CSMD3: variants seen among roughly 807,000 people sequenced by gnomAD.
CSMD3 encodes CUB and sushi domain-containing protein 3.
Under a neutral mutation model 435.2 loss-of-function variants are expected in CSMD3, and 177 were observed. That is an observed-to-expected ratio of 0.41 (90% CI 0.36 to 0.46). The LOEUF (loss-of-function observed/expected upper bound fraction) is 0.46. CSMD3 is among the 20% of genes least tolerant of loss of function. The pLI is 0.34. For missense variants in CSMD3, 4,265 were observed against 4,504.6 expected (o/e 0.95, Z 1.52); for synonymous variants, 1,656 against 1,520.5 (o/e 1.09, Z -2.07).
chr8:113,399,024 G>A (rs2094496589), intron 1 of CSMD3, among the ~76,000 whole-genome samples: 1 of 142,662 alleles, frequency 7.0e-6, no homozygotes, highest in Non-Finnish European at 1.5e-5. Flanking sequence ...AGGAAGTTTT[G>A]CATCATTAGT....
intron 3 of CSMD3, among the ~76,000 whole-genome samples, chr8:113,202,478 A>T (rs557762775): frequency 3.3e-5 from 5 of 152,150 alleles, no homozygotes; most frequent in Non-Finnish European, 7.4e-5. Flanking sequence ...GGGCACTCTG[A>T]AAAAGACTAG....
chr8:113,316,700 C>A (rs1243261601), intron 1 of CSMD3, among the ~76,000 whole-genome samples: 1 of 152,002 alleles, frequency 6.6e-6, no homozygotes, highest in Non-Finnish European at 1.5e-5. Context: ...CAGACATACG[C>A]CACCACGCCC....
chr8:112,960,200 C>CATCCTGTACTGGCTGAACAAA (rs2084176757), intron 7 of CSMD3, among the ~76,000 whole-genome samples: 1 of 149,926 alleles, frequency 6.7e-6, no homozygotes, highest in Non-Finnish European at 1.5e-5. Flanking sequence ...TTTTTTTCTA[C>CATCCTGTACTGGCTGAACAAA]ATCCTGTACT....
intron 4 of CSMD3, among the ~76,000 whole-genome samples, chr8:113,142,814 G>A (rs1446907288): frequency 6.6e-6 from 1 of 150,440 alleles, no homozygotes; most frequent in Non-Finnish European, 1.5e-5. Context: ...TTACCCTGAT[G>A]TGATTATTAC....
chr8:113,401,932 T>A (rs2094511980), intron 1 of CSMD3, among the ~76,000 whole-genome samples: 1 of 151,522 alleles, frequency 6.6e-6, no homozygotes, highest in Admixed American at 6.6e-5. Flanking sequence ...GAGTATAATA[T>A]CTAGGTTTGT....
rs139758725 is a variant in CSMD3, at chr8:112,812,845, A to T, written c.1860-12571T>A. On this transcript the variant is annotated intron_variant, in intron 12 of 70. Coordinates refer to ENST00000297405, the MANE Select transcript of CSMD3 (RefSeq NM_198123.2). ...TCCTGCTAAAATGAGATAAAGTCCT[A>T]AATAGGTGCGCTCAAAAATATTTTT... Among the ~76,000 whole-genome samples, 560 of 152,298 alleles carry T rather than the reference A, an allele frequency of 3.7e-3. 2 individuals are homozygous for T. The highest frequency in any genetic ancestry group is 0.013 in the African/African-American group (532 of 41,556).
At chr8:113,215,543 A>C (rs978171035) in intron 3 of CSMD3, among the ~76,000 whole-genome samples, 4 of 151,878 alleles carry the variant, frequency 2.6e-5, no homozygotes, top group African/African-American at 4.8e-5. Flanking sequence ...ACCAAAGGTA[A>C]AATAATTTCA....
At chr8:112,641,505 T>A (rs1040832303) in intron 20 of CSMD3, among the ~76,000 whole-genome samples, 3 of 152,082 alleles carry the variant, frequency 2.0e-5, no homozygotes, top group Non-Finnish European at 2.9e-5. Context: ...AACTAATTTG[T>A]CAAAGGGGTC....
At chr8:112,897,828 C>T (rs2081996116) in intron 10 of CSMD3, among the ~76,000 whole-genome samples, 1 of 150,280 alleles carries the variant, frequency 6.7e-6, no homozygotes, top group Admixed American at 6.7e-5. Context: ...ACTTTAAATA[C>T]AATATAAAAG....
chr8:113,318,754 T>C (rs2093928207), intron 1 of CSMD3, among the ~76,000 whole-genome samples: 2 of 150,372 alleles, frequency 1.3e-5, no homozygotes, highest in African/African-American at 4.9e-5. Flanking sequence ...TTGTAGCACA[T>C]GGTGGGATTT....
chr8:112,835,470 A>G (rs1026516604), intron 11 of CSMD3, among the ~76,000 whole-genome samples: 3 of 151,806 alleles, frequency 2.0e-5, no homozygotes, highest in Non-Finnish European at 4.4e-5. Flanking sequence ...ACACCTATAC[A>G]TTATTCTGGC....
intron 3 of CSMD3, among the ~76,000 whole-genome samples, chr8:113,222,349 A>T (rs1029430786): frequency 3.3e-5 from 5 of 151,096 alleles, no homozygotes; most frequent in African/African-American, 7.2e-5. Flanking sequence ...AAACCTGTAT[A>T]AAAAAGAAGA....
At chr8:112,315,042 G>T (rs1370124465) in intron 47 of CSMD3, among the ~76,000 whole-genome samples, 1 of 151,676 alleles carries the variant, frequency 6.6e-6, no homozygotes, top group Non-Finnish European at 1.5e-5. Context: ...ACTCAGGTGT[G>T]TGGGGTCAGA....
intron 32 of CSMD3, among the ~76,000 whole-genome samples, chr8:112,445,760 G>A (rs1056779077): frequency 1.3e-5 from 2 of 152,100 alleles, no homozygotes; most frequent in African/African-American, 4.8e-5. Context: ...ATGTGGTACA[G>A]CCTAAAAGCA....
Position 112,685,731 on chromosome 8 carries a change from A to G in CSMD3, c.2157T>C (p.Phe719=), listed in dbSNP as rs981095938. ...QWSANIPICI[F]PCLSNFTAPM... is the part of the protein sequence containing the mutation. ...GTGCAGTAAAGTTAGACAGGCAGGG[A>G]ACTGGTGAAACAGGAAGATTATGAA... Residue 719 remains phenylalanine, a splice_region_variant and synonymous_variant, in exon 15 of 71, where the codon TTT becomes TTC. Transcript: ENST00000297405. 2 of 1,579,256 alleles carry G rather than the reference A, an allele frequency of 1.3e-6. No homozygotes were observed. The highest frequency in any genetic ancestry group is 3.3e-5 in the Admixed American group (2 of 59,942).
chr8:113,229,470 T>C (rs2093061565), intron 3 of CSMD3, among the ~76,000 whole-genome samples: 1 of 151,410 alleles, frequency 6.6e-6, no homozygotes, highest in Non-Finnish European at 1.5e-5. Context: ...TTAAGTCTCT[T>C]TCACACCTTT....
chr8:113,407,318 A>C (rs547721688), intron 1 of CSMD3, among the ~76,000 whole-genome samples: 1 of 152,184 alleles, frequency 6.6e-6, no homozygotes, highest in Non-Finnish European at 1.5e-5. Flanking sequence ...ATAAGTCATC[A>C]ACACATGTCT....
At chr8:113,193,299 C>T (rs568086888) in intron 3 of CSMD3, among the ~76,000 whole-genome samples, 6 of 151,236 alleles carry the variant, frequency 4.0e-5, no homozygotes, top group Admixed American at 6.6e-5. Context: ...GGGAAGATGC[C>T]TAGTTGCATG....
intron 3 of CSMD3, among the ~76,000 whole-genome samples, chr8:113,257,963 T>C (rs1328341193): frequency 6.6e-6 from 1 of 152,192 alleles, no homozygotes; most frequent in Non-Finnish European, 1.5e-5. Flanking sequence ...GGTACTAAGA[T>C]GAAAACTCTG....
Sources: gnomAD v4.1 joint callset for allele counts (sites outside exome capture counted in the v4.1 genomes callset) on GRCh38, gnomAD v4.1.1 for gene constraint, MANE v1.5 for transcripts, NCBI Gene and HGNC (gene_info 2026-07-23, HGNC 2026-07-21) for gene names.